Variants in PCDH15 observed in about 807,000 individuals in gnomAD.
PCDH15 encodes the protein protocadherin-15.
In PCDH15, 129 loss-of-function variants were observed where a neutral mutation model predicts 178.5. The ratio of observed to expected loss-of-function variants is 0.72; its 90% confidence interval spans 0.63 to 0.84. The LOEUF (loss-of-function observed/expected upper bound fraction) is 0.84. PCDH15 is among the 40% of genes least tolerant of loss of function. PCDH15 has a pLI of 0.00. For synonymous variants in PCDH15, 800 were observed against 732.0 expected (o/e 1.09, Z -1.50); for missense variants, 2,230 against 2,099.9 (o/e 1.06, Z -1.21).
intron 2 of PCDH15, among the ~76,000 whole-genome samples, chr10:55,517,965 C>A (rs1466354905): frequency 6.6e-6 from 1 of 152,122 alleles, no homozygotes; most frequent in Non-Finnish European, 1.5e-5. Flanking sequence ...AAAGTTACAT[C>A]CCTAAAATGA....
chr10:55,126,148 G>A (rs1028844759), intron 2 of PCDH15, among the ~76,000 whole-genome samples: 1 of 151,946 alleles, frequency 6.6e-6, no homozygotes. Flanking sequence ...CCTTCATGCT[G>A]GTTCCATGTA....
At chr10:55,027,299 A>C (rs1840498539) in intron 2 of PCDH15, among the ~76,000 whole-genome samples, 1 of 151,880 alleles carries the variant, frequency 6.6e-6, no homozygotes, top group Non-Finnish European at 1.5e-5. Flanking sequence ...AAAAACAGAA[A>C]ATTGCTAGAG....
At chr10:54,308,936 C>A (rs1486296636) in intron 8 of PCDH15, among the ~76,000 whole-genome samples, 1 of 152,032 alleles carries the variant, frequency 6.6e-6, no homozygotes, top group Non-Finnish European at 1.5e-5. Flanking sequence ...CATATGTTGA[C>A]TCTAGATGTG....
At chr10:55,585,305 C>G (rs1842704855) in intron 2 of PCDH15, among the ~76,000 whole-genome samples, 1 of 152,096 alleles carries the variant, frequency 6.6e-6, no homozygotes, top group South Asian at 2.1e-4. Context: ...TCAGCTATAT[C>G]TTCTTTTAAA....
chr10:54,720,967 C>T (rs1941502513), intron 1 of PCDH15, among the ~76,000 whole-genome samples: 1 of 152,144 alleles, frequency 6.6e-6, no homozygotes, highest in African/African-American at 2.4e-5. Flanking sequence ...GAGCATTCTC[C>T]TAAACCGACC....
chr10:55,399,322 G>T (rs1838006790), intron 2 of PCDH15, among the ~76,000 whole-genome samples: 1 of 151,890 alleles, frequency 6.6e-6, no homozygotes, highest in South Asian at 2.1e-4. Context: ...TTTTAGCATT[G>T]GAAAATATTC....
At chr10:54,574,169 T>A (rs2090192699) in intron 2 of PCDH15, among the ~76,000 whole-genome samples, 1 of 151,428 alleles carries the variant, frequency 6.6e-6, no homozygotes, top group African/African-American at 2.4e-5. Context: ...GTCTAACGTT[T>A]AAGTCTTTAA....
chr10:55,375,510 T>C (rs948605358), intron 2 of PCDH15, among the ~76,000 whole-genome samples: 2 of 152,166 alleles, frequency 1.3e-5, no homozygotes, highest in Non-Finnish European at 2.9e-5. Flanking sequence ...AGAATATTAA[T>C]TGCCAAAACT....
chr10:55,475,488 T>C (rs1169424487), intron 2 of PCDH15, among the ~76,000 whole-genome samples: 1 of 152,160 alleles, frequency 6.6e-6, no homozygotes, highest in African/African-American at 2.4e-5. Context: ...AGGTTAAGCA[T>C]ACCTAAACTA....
intron 13 of PCDH15, among the ~76,000 whole-genome samples, chr10:54,164,786 TG>T (rs2046050334): frequency 6.6e-6 from 1 of 152,070 alleles, no homozygotes; most frequent in Non-Finnish European, 1.5e-5. Flanking sequence ...ACATAATGAG[TG>T]CAGATGACTT....
At chr10:55,055,201 A>G (rs1374370338) in intron 2 of PCDH15, among the ~76,000 whole-genome samples, 1 of 152,198 alleles carries the variant, frequency 6.6e-6, no homozygotes, top group Non-Finnish European at 1.5e-5. Flanking sequence ...TGGTGTACGA[A>G]AGGGATCCAG....
chr10:53,919,499 A>G (rs2083813844), intron 25 of PCDH15, among the ~76,000 whole-genome samples: 1 of 152,182 alleles, frequency 6.6e-6, no homozygotes, highest in African/African-American at 2.4e-5. Flanking sequence ...GCATTATTTC[A>G]ATTTACTCCT....
At chr10:54,153,512 T>A (rs2044775247) in intron 13 of PCDH15, among the ~76,000 whole-genome samples, 1 of 152,214 alleles carries the variant, frequency 6.6e-6, no homozygotes, top group African/African-American at 2.4e-5. Context: ...TTTTGTTTTT[T>A]GTGAGAGTGA....
At chr10:54,822,905 G>A (rs1390603359) in intron 3 of PCDH15, among the ~76,000 whole-genome samples, 1 of 151,612 alleles carries the variant, frequency 6.6e-6, no homozygotes, top group Non-Finnish European at 1.5e-5. Context: ...TTTTTTAGAT[G>A]GATTCTTGCT....
chr10:54,870,200 C>T (rs1954011928), intron 3 of PCDH15, among the ~76,000 whole-genome samples: 1 of 152,116 alleles, frequency 6.6e-6, no homozygotes, highest in East Asian at 1.9e-4. Context: ...CTGGCTGACA[C>T]AAGTAGTTGT....
chr10:55,247,541 T>C (rs1841709224), intron 1 of PCDH15, among the ~76,000 whole-genome samples: 1 of 152,178 alleles, frequency 6.6e-6, no homozygotes, highest in Non-Finnish European at 1.5e-5. Flanking sequence ...CAGTGCAACT[T>C]TGCATTTCTG....
At chr10:54,099,723 A>G (rs2094774584) in intron 15 of PCDH15, among the ~76,000 whole-genome samples, 3 of 151,944 alleles carry the variant, frequency 2.0e-5, no homozygotes, top group African/African-American at 4.8e-5. Flanking sequence ...TAAACAATAT[A>G]TGTACTGCTA....
At chr10:54,060,296 A>G (rs2093986350) in intron 18 of PCDH15, among the ~76,000 whole-genome samples, 1 of 152,224 alleles carries the variant, frequency 6.6e-6, no homozygotes, top group Admixed American at 6.5e-5. Flanking sequence ...TAGTTTCTTA[A>G]GAACAGTACT....
intron 20 of PCDH15, among the ~76,000 whole-genome samples, chr10:54,006,665 G>A (rs1199327791): frequency 6.6e-6 from 1 of 152,106 alleles, no homozygotes; most frequent in Non-Finnish European, 1.5e-5. Context: ...TGCTGCCTTG[G>A]TACTGGGCAC....
Sources: allele counts gnomAD v4.1 joint callset (sites outside exome capture counted in the v4.1 genomes callset), GRCh38; gene constraint gnomAD v4.1.1; transcripts MANE v1.5; gene names NCBI Gene and HGNC (gene_info 2026-07-23, HGNC 2026-07-21).